The following RALB variants were observed in gnomAD, a reference collection of about 807,000 sequenced individuals.
The protein encoded by RALB is ras-related protein Ral-B.
Under a neutral mutation model 21.3 loss-of-function variants are expected in RALB, and 16 were observed. The observed-to-expected ratio is 0.75, with a 90% CI of 0.51 to 1.14. The LOEUF (loss-of-function observed/expected upper bound fraction) is 1.14, where lower values mean the gene tolerates loss of function less well. Among genes scored for constraint, RALB ranks in the 50% most tolerant of loss-of-function variants. RALB has a pLI of 0.00. For missense variants in RALB, 161 were observed against 256.2 expected (o/e 0.63, Z 2.54); for synonymous variants, 93 against 96.1 (o/e 0.97, Z 0.19).
chr2:120,262,800 G>A (rs1431691009), intron 1 of RALB, among the ~76,000 whole-genome samples: 3 of 152,176 alleles, frequency 2.0e-5, no homozygotes, highest in African/African-American at 4.8e-5. Flanking sequence ...GGCAAATTAC[G>A]CTGTGTTTTG....
chr2:120,278,246 G>A (rs1030659732), intron 1 of RALB, among the ~76,000 whole-genome samples: 13 of 152,142 alleles, frequency 8.5e-5, no homozygotes, highest in Admixed American at 5.2e-4. Context: ...GCTGTTCTCC[G>A]CGGCAGCCGA....
At position 120,262,594 on chromosome 2, in the gene RALB, G is replaced by A. The variant is rs1051785986; in HGVS notation, c.-48+9614G>A. 2.0e-5 allele frequency among the ~76,000 whole-genome samples: 3 copies of A among 152,122 alleles called. 1 individual carries two copies. Among genetic ancestry groups the A allele is most frequent in the African/African-American group, 7.2e-5 (3 of 41,424 alleles). ...AGCAGTGTGCTCCCCTTAAGAGGAG[G>A]GTGGTCCTGTTCTAGCACCGTAGTT... On this transcript the variant is annotated intron_variant, in intron 1 of 4. Coordinates refer to ENST00000272519, the MANE Select transcript of RALB (RefSeq NM_002881.3).
chr2:120,251,342 G>A (rs898417300), upstream of RALB, among the ~76,000 whole-genome samples: 8 of 152,158 alleles, frequency 5.3e-5, no homozygotes, highest in African/African-American at 9.7e-5. Flanking sequence ...ACTGTACATC[G>A]TGGCCTCTGG....
At chr2:120,245,167 G>T (rs886221273) in intron 1 of RALB, among the ~76,000 whole-genome samples, 4 of 152,196 alleles carry the variant, frequency 2.6e-5, no homozygotes, top group Non-Finnish European at 5.9e-5. Context: ...AGAACACAAA[G>T]GTCCAGAGAG....
At chr2:120,243,298 C>T (rs1688922405) in intron 1 of RALB, among the ~76,000 whole-genome samples, 1 of 152,212 alleles carries the variant, frequency 6.6e-6, no homozygotes, top group Non-Finnish European at 1.5e-5. Context: ...ATCAAGAAGG[C>T]TTCTTAGAGG....
chr2:120,272,487 A>G (rs1374834742), intron 1 of RALB, among the ~76,000 whole-genome samples: 1 of 152,230 alleles, frequency 6.6e-6, no homozygotes, highest in African/African-American at 2.4e-5. Context: ...GTGATAAAGC[A>G]AATGGAGCAA....
intron 1 of RALB, among the ~76,000 whole-genome samples, chr2:120,264,079 C>T (rs1203777635): frequency 1.3e-5 from 2 of 151,318 alleles, no homozygotes; most frequent in Non-Finnish European, 2.9e-5. Context: ...GAACTCCTGA[C>T]CTCAGGTGAT....
chr2:120,288,682 G>T (rs1690232891), intron 3 of RALB, among the ~76,000 whole-genome samples: 1 of 152,102 alleles, frequency 6.6e-6, no homozygotes, highest in Admixed American at 6.6e-5. Context: ...CTTTCAGATA[G>T]CTGATAATTT....
At chr2:120,254,337 G>C (rs1201830097) in intron 1 of RALB, among the ~76,000 whole-genome samples, 2 of 152,256 alleles carry the variant, frequency 1.3e-5, no homozygotes, top group African/African-American at 4.8e-5. Context: ...GTTGTCAGCC[G>C]GTCTGCTTTA....
At chr2:120,282,037 A>C (rs1690002581) in intron 2 of RALB, among the ~76,000 whole-genome samples, 1 of 152,146 alleles carries the variant, frequency 6.6e-6, no homozygotes, top group African/African-American at 2.4e-5. Context: ...GCCCCGAACA[A>C]AGTATTAGCC....
intron 1 of RALB, among the ~76,000 whole-genome samples, chr2:120,247,114 C>T (rs1020443328): frequency 1.3e-5 from 2 of 152,084 alleles, no homozygotes; most frequent in South Asian, 2.1e-4. Context: ...CTGTTGTTCC[C>T]GTGCAGGTTG....
At chr2:120,263,167 G>A (rs1362002699) in intron 1 of RALB, among the ~76,000 whole-genome samples, 1 of 152,208 alleles carries the variant, frequency 6.6e-6, no homozygotes, top group Non-Finnish European at 1.5e-5. Flanking sequence ...GAGTATTAGA[G>A]TGATATTTAT....
chr2:120,262,423 G>A (rs1203132788), intron 1 of RALB, among the ~76,000 whole-genome samples: 2 of 152,204 alleles, frequency 1.3e-5, no homozygotes, highest in Admixed American at 6.5e-5. Flanking sequence ...CTCTCGAAGG[G>A]TTTGCTGGTG....
intron 1 of RALB, 65 bp from the exon 2 acceptor site, chr2:120,278,553 T>G: frequency 4.2e-5 from 55 of 1,320,556 alleles, no homozygotes; most frequent in South Asian, 5.3e-5. Context: ...AGGATGTGAA[T>G]GACATTTGGT....
At position 120,288,342 on chromosome 2, in the gene RALB, G is replaced by GTTTTTTTTTTTT. The variant is rs547733377; in HGVS notation, c.324-1227_324-1226insTTTTTTTTTTTT. ...TTAAATTGACTACATGAAAATTTTA[G>GTTTTTTTTTTTT]TTTTTTTTTTTGTTTTTTTTTTTGT... On this transcript the variant is annotated intron_variant, in intron 3 of 4. Transcript: ENST00000272519. Among the ~76,000 whole-genome samples the GTTTTTTTTTTTT allele has an allele frequency of 2.0e-4, 23 of 117,078 alleles. 5 individuals carry two copies. Among genetic ancestry groups the GTTTTTTTTTTTT allele is most frequent in the Non-Finnish European group, 2.0e-4 (12 of 60,188 alleles). The allele number at this position is 117,078 out of a possible 152,430, so 76.8% of individuals were successfully genotyped here.
chr2:120,276,323 A>G (rs1207232762), intron 1 of RALB, among the ~76,000 whole-genome samples: 1 of 152,162 alleles, frequency 6.6e-6, no homozygotes, highest in Non-Finnish European at 1.5e-5. Context: ...AGTTCTGGCC[A>G]GGTGCAGTGG....
At chr2:120,280,714 GA>G (rs35923227) in intron 2 of RALB, 139,463 of 233,090 alleles carry the variant, frequency 0.6, 37,188 homozygotes, top group African/African-American at 0.76. Context: ...AAAGTAAAAA[GA>G]AAAAAAAAAA....
intron 3 of RALB, among the ~76,000 whole-genome samples, chr2:120,288,221 C>T (rs190234655): frequency 6.6e-6 from 1 of 152,196 alleles, no homozygotes; most frequent in Admixed American, 6.5e-5. Flanking sequence ...TCTTTGACCC[C>T]AGTTCAAATG....
At chr2:120,266,722 TAAATA>T (rs1244246731) in intron 1 of RALB, among the ~76,000 whole-genome samples, 1 of 151,304 alleles carries the variant, frequency 6.6e-6, no homozygotes, top group Non-Finnish European at 1.5e-5. Flanking sequence ...AAAAAGAAAA[TAAATA>T]AATAAAAAGC....
Sources: allele counts gnomAD v4.1 joint callset (sites outside exome capture counted in the v4.1 genomes callset), GRCh38; gene constraint gnomAD v4.1.1; transcripts MANE v1.5; gene names NCBI Gene and HGNC (gene_info 2026-07-23, HGNC 2026-07-21).